Variants in WDR70 observed in about 807,000 individuals in gnomAD.
The protein encoded by WDR70 is WD repeat domain 70.
WDR70 carries 53 observed loss-of-function variants against 88.6 expected under a neutral mutation model. The observed-to-expected ratio is 0.60, with a 90% CI of 0.48 to 0.75. WDR70 has a LOEUF of 0.75. Among genes scored for constraint, WDR70 ranks in the 30% least tolerant of loss-of-function variants. The probability of loss-of-function intolerance (pLI) is 0.00; values close to 1 mark genes in which losing one functional copy is unlikely to be tolerated. For synonymous variants in WDR70, 280 were observed against 270.0 expected, an observed-to-expected ratio of 1.04 and a Z score of -0.36; for missense variants, 610 against 823.2, an observed-to-expected ratio of 0.74 and a Z score of 3.17.
At chr5:37,432,972 A>C (rs10941333) in intron 5 of WDR70, among the ~76,000 whole-genome samples, 116,067 of 151,780 alleles carry the variant, frequency 0.76, 48,242 homozygotes, top group East Asian at 0.96. Context: ...GATTTGCGCA[A>C]ATTTTCTCCC....
chr5:37,426,503 T>G (rs993992995), intron 5 of WDR70, among the ~76,000 whole-genome samples: 8 of 152,200 alleles, frequency 5.3e-5, no homozygotes, highest in African/African-American at 1.9e-4. Context: ...TGGTCTTACT[T>G]TGAATCTCTC....
At chr5:37,704,177 A>G (rs895144430) in intron 13 of WDR70, among the ~76,000 whole-genome samples, 3 of 152,344 alleles carry the variant, frequency 2.0e-5, no homozygotes, top group African/African-American at 7.2e-5. Flanking sequence ...ACGTAATTTG[A>G]AATGTGCCAG....
intron 10 of WDR70, among the ~76,000 whole-genome samples, chr5:37,643,210 G>GT (rs1745151610): frequency 1.3e-5 from 2 of 151,878 alleles, no homozygotes; most frequent in Non-Finnish European, 2.9e-5. Context: ...ATGGATGTCT[G>GT]TTTTTTCCAG....
At position 37,381,765 on chromosome 5, in the gene WDR70, G is replaced by T. The variant is rs545164522; in HGVS notation, c.175+80G>T. 10 of 1,466,410 alleles carry T rather than the reference G, an allele frequency of 6.8e-6. No homozygotes were observed. In the African/African-American group the frequency reaches 8.4e-5, roughly 12 times the overall value. The allele number at this position is 1,466,410 out of a possible 1,614,324, so 90.8% of individuals were successfully genotyped here. A position where few individuals can be genotyped will look rare whatever the true frequency, so the allele number is the denominator to read the frequency against. Reference sequence around the variant, plus strand: ...TGCAAGTATATTAAAAAAGAGAAAAGAATGTTGGCTGGGCGCGGTGGCTCA... The same window carrying T: ...TGCAAGTATATTAAAAAAGAGAAAATAATGTTGGCTGGGCGCGGTGGCTCA... On this transcript the variant is annotated intron_variant, in intron 3 of 17. Transcript: ENST00000265107.
chr5:37,646,316 T>C (rs1379354322), intron 10 of WDR70, among the ~76,000 whole-genome samples: 1 of 152,126 alleles, frequency 6.6e-6, no homozygotes, highest in Non-Finnish European at 1.5e-5. Flanking sequence ...TTTTACTATT[T>C]ATATTTTTTG....
At chr5:37,438,124 T>G in intron 6 of WDR70, 143 bp downstream of exon 6, 1 of 558,010 alleles carries the variant, frequency 1.8e-6, no homozygotes, top group Non-Finnish European at 2.8e-6. Flanking sequence ...AAAAATAGAT[T>G]ACTTTTATGT....
At chr5:37,478,223 A>G (rs1021869294) in intron 7 of WDR70, among the ~76,000 whole-genome samples, 2 of 152,174 alleles carry the variant, frequency 1.3e-5, no homozygotes, top group Non-Finnish European at 2.9e-5. Context: ...ACAGCTATCG[A>G]ATTCCTAGTC....
intron 17 of WDR70, among the ~76,000 whole-genome samples, chr5:37,743,721 A>G (rs892657657): frequency 2.6e-5 from 4 of 152,164 alleles, no homozygotes; most frequent in Admixed American, 6.5e-5. Flanking sequence ...GCTTCCCTGC[A>G]TGATCTCCAA....
intron 5 of WDR70, among the ~76,000 whole-genome samples, chr5:37,409,393 ATC>A (rs931430604): frequency 6.6e-6 from 1 of 152,056 alleles, no homozygotes; most frequent in Non-Finnish European, 1.5e-5. Flanking sequence ...TTGACTGTGT[ATC>A]TGTCAGGTTT....
intron 8 of WDR70, among the ~76,000 whole-genome samples, chr5:37,484,744 G>C (rs1364351383): frequency 6.6e-6 from 1 of 152,338 alleles, no homozygotes; most frequent in East Asian, 1.9e-4. Context: ...TGAGTTGACT[G>C]TTCTTGGCTT....
intron 5 of WDR70, among the ~76,000 whole-genome samples, chr5:37,418,814 C>T (rs1749848135): frequency 6.6e-6 from 1 of 150,808 alleles, no homozygotes; most frequent in Non-Finnish European, 1.5e-5. Flanking sequence ...GCTGGAGTGC[C>T]GTGGTGTGAT....
chr5:37,507,351 A>G (rs1403495084), intron 8 of WDR70, among the ~76,000 whole-genome samples: 1 of 152,174 alleles, frequency 6.6e-6, no homozygotes, highest in East Asian at 1.9e-4. Flanking sequence ...TATTGTTTCT[A>G]TGTGCTGGGA....
intron 9 of WDR70, among the ~76,000 whole-genome samples, chr5:37,583,952 CA>C (rs1232244525): frequency 6.6e-6 from 1 of 152,072 alleles, no homozygotes; most frequent in Non-Finnish European, 1.5e-5. Flanking sequence ...CATACAAATC[CA>C]AAATTGTTAG....
chr5:37,439,625 C>CT (rs34032020), intron 6 of WDR70, among the ~76,000 whole-genome samples: 31,897 of 128,866 alleles, frequency 0.25, 4,130 homozygotes, highest in East Asian at 0.49. Context: ...TGGCTTAACT[C>CT]TTTTTTTTTT....
chr5:37,723,118 C>A, intron 15 of WDR70, 184 bp downstream of exon 15: 1 of 638,554 alleles, frequency 1.6e-6, no homozygotes, highest in South Asian at 2.0e-5. Context: ...TGACTCATCA[C>A]AGGGACAGGG....
At chr5:37,670,161 A>G (rs1221714168) in intron 10 of WDR70, among the ~76,000 whole-genome samples, 2 of 152,174 alleles carry the variant, frequency 1.3e-5, no homozygotes, top group Non-Finnish European at 1.5e-5. Context: ...TTAAGTGAGC[A>G]AAGTGCATGG....
chr5:37,388,054 A>C (rs1305400439), intron 3 of WDR70, among the ~76,000 whole-genome samples: 3 of 152,100 alleles, frequency 2.0e-5, no homozygotes, highest in Non-Finnish European at 4.4e-5. Flanking sequence ...TAATGGTACA[A>C]ATTTTTTTTA....
intron 8 of WDR70, among the ~76,000 whole-genome samples, chr5:37,504,655 C>T (rs1287662375): frequency 6.6e-6 from 1 of 152,172 alleles, no homozygotes; most frequent in Non-Finnish European, 1.5e-5. Flanking sequence ...AGTTGCTCTC[C>T]TTCACTTGTA....
intron 10 of WDR70, among the ~76,000 whole-genome samples, chr5:37,692,465 A>G (rs1451821257): frequency 1.3e-5 from 2 of 152,214 alleles, no homozygotes; most frequent in Admixed American, 6.5e-5. Context: ...AAAAATCCTC[A>G]GTAAAATACT....
Sources: allele counts gnomAD v4.1 joint callset (sites outside exome capture counted in the v4.1 genomes callset), GRCh38; gene constraint gnomAD v4.1.1; transcripts MANE v1.5; gene names NCBI Gene and HGNC (gene_info 2026-07-23, HGNC 2026-07-21).